Variants in GTF2F2 observed in about 807,000 individuals in gnomAD.
GTF2F2 encodes general transcription factor IIF subunit 2, also known as ATP-dependent helicase GTF2F2.
GTF2F2 carries 23 observed loss-of-function variants against 42.2 expected under a neutral mutation model. That is an observed-to-expected ratio of 0.55 (90% CI 0.39 to 0.77). The LOEUF is 0.77. Among genes scored for constraint, GTF2F2 ranks in the 30% least tolerant of loss-of-function variants. GTF2F2 has a pLI of 0.00. For missense variants in GTF2F2, 261 were observed against 287.2 expected, an observed-to-expected ratio of 0.91 and a Z score of 0.66; for synonymous variants, 105 against 100.8, an observed-to-expected ratio of 1.04 and a Z score of -0.25.
At chr13:45,144,457 C>CTTTTTTTTTTTTTTTTTTTTTT (rs11326737) in intron 2 of GTF2F2, among the ~76,000 whole-genome samples, 1 of 74,040 alleles carries the variant, frequency 1.4e-5, no homozygotes, top group African/African-American at 5.3e-5. Context: ...TTTTTTTGGT[C>CTTTTTTTTTTTTTTTTTTTTTT]TTTTTTTTTT....
intron 5 of GTF2F2, among the ~76,000 whole-genome samples, chr13:45,223,008 A>G (rs1874178979): frequency 6.6e-6 from 1 of 152,172 alleles, no homozygotes; most frequent in African/African-American, 2.4e-5. Flanking sequence ...ATAGTGCAGT[A>G]TTCTATCAGT....
chr13:45,259,827 T>C lies in GTF2F2; in HGVS notation c.486+6857T>C, dbSNP rs1876261799. Among the ~76,000 whole-genome samples, 3 of 152,114 alleles carry C rather than the reference T, an allele frequency of 2.0e-5. No homozygotes were observed. The South Asian group carries it at 6.2e-4, about 32-fold the overall frequency. On this transcript the variant is annotated intron_variant, in intron 6 of 7. Transcript: ENST00000340473. ...CGCCCGCCACCACACCTGGCCAATG[T>C]GATCCACCCATCTCGGCCTCCCAAA...
chr13:45,204,727 A>C (rs1873346863), intron 4 of GTF2F2, among the ~76,000 whole-genome samples: 1 of 152,188 alleles, frequency 6.6e-6, no homozygotes, highest in African/African-American at 2.4e-5. Context: ...ATTTAAGAAG[A>C]GAAGGGGAGA....
At chr13:45,170,797 C>T (rs1351250329) in intron 4 of GTF2F2, among the ~76,000 whole-genome samples, 1 of 152,074 alleles carries the variant, frequency 6.6e-6, no homozygotes, top group African/African-American at 2.4e-5. Flanking sequence ...AGTCTAGATG[C>T]AAGAGAAGGG....
intron 4 of GTF2F2, among the ~76,000 whole-genome samples, chr13:45,191,224 A>AAAAATATATATATATAT: frequency 1.9e-4 from 14 of 75,312 alleles, no homozygotes; most frequent in African/African-American, 1.2e-3. Context: ...ACAAAAAAAA[A>AAAAATATATATATATAT]ATATATATAT....
chr13:45,220,672 G>A (rs1874070508), intron 5 of GTF2F2, among the ~76,000 whole-genome samples: 1 of 152,086 alleles, frequency 6.6e-6, no homozygotes, highest in South Asian at 2.1e-4. Flanking sequence ...ACAGAAAAAG[G>A]AATACATAGA....
chr13:45,143,230 T>C (rs984606572), intron 2 of GTF2F2, among the ~76,000 whole-genome samples: 1 of 152,188 alleles, frequency 6.6e-6, no homozygotes, highest in African/African-American at 2.4e-5. Flanking sequence ...GATTAACCTC[T>C]AAGTATGTAG....
intron 5 of GTF2F2, among the ~76,000 whole-genome samples, chr13:45,251,407 G>A (rs1295959063): frequency 1.3e-5 from 2 of 151,982 alleles, no homozygotes; most frequent in African/African-American, 2.4e-5. Flanking sequence ...TTAATAGCCA[G>A]CATTTTTGTG....
chr13:45,252,843 G>T (rs764471703), intron 5 of GTF2F2, 28 bp from the exon 6 acceptor site: 2 of 906,738 alleles, frequency 2.2e-6, no homozygotes, highest in Non-Finnish European at 3.4e-6. Flanking sequence ...AAACAAGAGT[G>T]TTAATAATGC....
chr13:45,196,911 C>T (rs1341240572), intron 4 of GTF2F2, among the ~76,000 whole-genome samples: 1 of 152,110 alleles, frequency 6.6e-6, no homozygotes, highest in Non-Finnish European at 1.5e-5. Context: ...CACTTCCTAG[C>T]TCACTCACTT....
intron 4 of GTF2F2, among the ~76,000 whole-genome samples, chr13:45,162,861 C>T (rs1211253577): frequency 6.6e-6 from 1 of 152,164 alleles, no homozygotes; most frequent in Non-Finnish European, 1.5e-5. Flanking sequence ...AGCTGTATTT[C>T]ATAAGTGTTG....
intron 4 of GTF2F2, among the ~76,000 whole-genome samples, chr13:45,204,490 T>C (rs538876218): frequency 6.6e-6 from 1 of 152,354 alleles, no homozygotes; most frequent in South Asian, 2.1e-4. Context: ...TATTAATGAA[T>C]AGGATCTATA....
intron 6 of GTF2F2, among the ~76,000 whole-genome samples, chr13:45,266,875 C>T (rs1038418619): frequency 2.0e-5 from 3 of 152,084 alleles, no homozygotes; most frequent in African/African-American, 4.8e-5. Context: ...TGGGCAAGCA[C>T]GGTGGCTCAC....
intron 6 of GTF2F2, among the ~76,000 whole-genome samples, chr13:45,259,647 C>CTTTTTT (rs1172870085): frequency 1.4e-5 from 1 of 72,226 alleles, no homozygotes; most frequent in Non-Finnish European, 2.4e-5. Flanking sequence ...AAACCTAGAA[C>CTTTTTT]TTTTTTTTTT....
At chr13:45,127,740 C>T (rs1262018166) in intron 1 of GTF2F2, among the ~76,000 whole-genome samples, 1 of 151,958 alleles carries the variant, frequency 6.6e-6, no homozygotes, top group East Asian at 1.9e-4. Context: ...TCAAGTGATT[C>T]TCCTGTCTCA....
intron 4 of GTF2F2, among the ~76,000 whole-genome samples, chr13:45,197,929 A>G (rs1019513390): frequency 1.3e-5 from 2 of 152,236 alleles, no homozygotes; most frequent in Non-Finnish European, 2.9e-5. Context: ...GCTTACCTGG[A>G]TCCACTTGGC....
At chr13:45,175,713 C>A (rs965255824) in intron 4 of GTF2F2, among the ~76,000 whole-genome samples, 4 of 152,164 alleles carry the variant, frequency 2.6e-5, no homozygotes, top group Non-Finnish European at 4.4e-5. Flanking sequence ...ACCTCTGCCT[C>A]CCGGGTTCAG....
At chr13:45,190,651 G>T (rs1044814248) in intron 4 of GTF2F2, among the ~76,000 whole-genome samples, 1 of 152,148 alleles carries the variant, frequency 6.6e-6, no homozygotes, top group Non-Finnish European at 1.5e-5. Context: ...TCCTAGCATG[G>T]TATCCGGCAT....
chr13:45,258,915 T>C lies in GTF2F2; in HGVS notation c.486+5945T>C, dbSNP rs868359601. 2.0e-5 allele frequency among the ~76,000 whole-genome samples: 3 copies of C among 152,328 alleles called. No individual in the cohort carries two copies. In the Middle Eastern group the frequency reaches 0.01, roughly 518 times the overall value. On this transcript the variant is annotated intron_variant, in intron 6 of 7. Transcript: ENST00000340473. ...GGTTCTTTGCAACTCCCTCCAACTT[T>C]GAATCCAAGTAAGGGCGACTCTGTG...
Sources: allele counts gnomAD v4.1 joint callset (sites outside exome capture counted in the v4.1 genomes callset), GRCh38; gene constraint gnomAD v4.1.1; transcripts MANE v1.5; gene names NCBI Gene and HGNC (gene_info 2026-07-23, HGNC 2026-07-21).